The following OR6N1 variants were observed in gnomAD, a reference collection of about 807,000 sequenced individuals.
The protein encoded by OR6N1 is olfactory receptor 6N1.
For missense variants in OR6N1, 394 were observed against 371.7 expected (o/e 1.06, Z -0.49); for synonymous variants, 170 against 150.7 (o/e 1.13, Z -0.94).
rs1447009284 is a variant in OR6N1, at chr1:158,765,813, G to A, written c.870C>T (p.Tyr290=). 9 of 1,614,072 alleles carry A rather than the reference G, an allele frequency of 5.6e-6. No homozygotes were observed. The highest frequency in any genetic ancestry group is 7.6e-6 in the Non-Finnish European group (9 of 1,180,030). ...VLTPFLNPFI[Y]SLRNKEIKEA... ...CCTTGATCTCCTTGTTGCGCAAGCTGTAGATGAAGGGGTTGAGGAAGGGTG... is the reference window on the plus strand; with the variant it reads ...CCTTGATCTCCTTGTTGCGCAAGCTATAGATGAAGGGGTTGAGGAAGGGTG... Residue 290 remains tyrosine, a synonymous_variant, in exon 2 of 2, where the codon TAC becomes TAT. Transcript: ENST00000641846.
chr1:158,797,282 C>A, the OR6N1 span, among the ~76,000 whole-genome samples: 1 of 152,204 alleles, frequency 6.6e-6, no homozygotes, highest in South Asian at 2.1e-4. Context: ...GTTGAGAAAG[C>A]TGGCTGTCCA....
At chr1:158,777,474 A>G in the OR6N1 span, 16 of 1,614,112 alleles carry the variant, frequency 9.9e-6, no homozygotes, top group African/African-American at 1.9e-4. Context: ...GTGTGTGCAG[A>G]GCTGCATCCA....
At chr1:158,818,044 A>C in the OR6N1 span, among the ~76,000 whole-genome samples, 3 of 152,194 alleles carry the variant, frequency 2.0e-5, no homozygotes, top group Non-Finnish European at 4.4e-5. Flanking sequence ...TATTATCTTT[A>C]ATTGGGTCTT....
At chr1:158,789,086 G>A in the OR6N1 span, among the ~76,000 whole-genome samples, 2 of 152,264 alleles carry the variant, frequency 1.3e-5, no homozygotes, top group East Asian at 1.9e-4. Flanking sequence ...ACATGTGAGT[G>A]ATAATGTGAT....
chr1:158,777,468 G>A, the OR6N1 span: 10 of 1,614,106 alleles, frequency 6.2e-6, no homozygotes, highest in South Asian at 1.1e-5. Flanking sequence ...ACATAGGTGT[G>A]TGCAGAGCTG....
Position 158,766,022 on chromosome 1 carries a change from T to C in OR6N1, c.661A>G (p.Ile221Val). Reference sequence around the variant, plus strand: ...GGAATTCTGAGCACTGTGCAGATGATCTGCACATAGGAGCAGAGGATCAGC... The same window carrying C: ...GGAATTCTGAGCACTGTGCAGATGACCTGCACATAGGAGCAGAGGATCAGC... The part of the protein sequence containing the change: ...FLLILCSYVQ[I>V]ICTVLRIPSA... The change falls in exon 2 of 2, where the codon ATC (isoleucine) becomes GTC (valine). Residue 221 changes from isoleucine (I) to valine (V), a missense_variant. Ile to Val is a conservative substitution (Grantham distance 29). Transcript: ENST00000641846. 1 of 1,614,186 alleles carries C rather than the reference T, an allele frequency of 6.2e-7. No individual in the cohort carries two copies. Among genetic ancestry groups the C allele is most frequent in the Non-Finnish European group, 8.5e-7 (1 of 1,180,034 alleles).
the OR6N1 span, among the ~76,000 whole-genome samples, chr1:158,815,252 C>G: frequency 1.3e-5 from 2 of 152,062 alleles, no homozygotes; most frequent in African/African-American, 4.8e-5. Flanking sequence ...ATATGCCAGG[C>G]AACATGAGGT....
chr1:158,794,078 C>A, the OR6N1 span, among the ~76,000 whole-genome samples: 1 of 152,178 alleles, frequency 6.6e-6, no homozygotes, highest in Admixed American at 6.5e-5. Context: ...TCATGCAAGC[C>A]TGAACCTGGA....
the OR6N1 span, among the ~76,000 whole-genome samples, chr1:158,781,360 G>A: frequency 1.3e-5 from 2 of 152,212 alleles, no homozygotes; most frequent in Non-Finnish European, 2.9e-5. Flanking sequence ...CCCAGAGACA[G>A]GTGAGAATCA....
At chr1:158,787,124 G>T in the OR6N1 span, among the ~76,000 whole-genome samples, 17,678 of 151,958 alleles carry the variant, frequency 0.12, 1,217 homozygotes, top group African/African-American at 0.18. Flanking sequence ...GGCTTGGTGC[G>T]ATTCTCCATA....
At chr1:158,807,863 C>A in the OR6N1 span, among the ~76,000 whole-genome samples, 4 of 152,144 alleles carry the variant, frequency 2.6e-5, no homozygotes, top group Non-Finnish European at 5.9e-5. Flanking sequence ...TGTTGCATTT[C>A]TTTCCCATTA....
upstream of OR6N1, among the ~76,000 whole-genome samples, chr1:158,773,790 C>T (rs1313714889): frequency 6.6e-6 from 1 of 151,992 alleles, no homozygotes; most frequent in African/African-American, 2.4e-5. Context: ...AAATTCAAGG[C>T]TACCAAAATA....
rs1657438825 is a variant in OR6N1, at chr1:158,772,160, G to A, written c.-158C>T. The A allele has an allele frequency of 6.6e-6, 1 of 152,150 alleles. No individual in the cohort carries two copies. The highest frequency in any genetic ancestry group is 2.4e-5 in the African/African-American group (1 of 41,428). 9.4% of individuals were successfully genotyped at this position (152,150 alleles called of 1,614,324 possible). ...AGTATTATACCCAGCCATTCCCGGG[G>A]CCTGGAGGGGTTGAAGTTTATCACT... On this transcript the variant is annotated 5_prime_UTR_variant, in exon 1 of 2. Transcript: ENST00000641846.
At chr1:158,770,964 C>T (rs1657411460) in intron 1 of OR6N1, among the ~76,000 whole-genome samples, 1 of 152,230 alleles carries the variant, frequency 6.6e-6, no homozygotes, top group Non-Finnish European at 1.5e-5. Context: ...TGAAACAACC[C>T]TATTGCTCTG....
chr1:158,837,436 C>A, the OR6N1 span, among the ~76,000 whole-genome samples: 4 of 151,636 alleles, frequency 2.6e-5, no homozygotes, highest in Admixed American at 6.6e-5. Context: ...GGTGAACTGG[C>A]CTTTTTAACA....
the OR6N1 span, among the ~76,000 whole-genome samples, chr1:158,830,980 A>G: frequency 7.9e-5 from 12 of 152,164 alleles, no homozygotes; most frequent in Middle Eastern, 3.2e-3. Context: ...AGCAATAGAC[A>G]TCTCTACCAA....
the OR6N1 span, among the ~76,000 whole-genome samples, chr1:158,823,366 TATTACTGATTCAATTTC>T: frequency 6.6e-6 from 1 of 152,178 alleles, no homozygotes; most frequent in African/African-American, 2.4e-5. Flanking sequence ...GTAGGCTTTT[TATTACTGATTCAATTTC>T]AGAACTCATT....
At chr1:158,796,315 ATTC>A in the OR6N1 span, 1 of 152,204 alleles carries the variant, frequency 6.6e-6, no homozygotes, top group South Asian at 2.1e-4. Context: ...TAAGCTTTCT[ATTC>A]TTTGCTCATG....
chr1:158,828,622 C>A, the OR6N1 span, among the ~76,000 whole-genome samples: 1 of 152,226 alleles, frequency 6.6e-6, no homozygotes, highest in South Asian at 2.1e-4. Context: ...CATTGAGTGT[C>A]TGTGGCTTTT....
Sources: gnomAD v4.1 joint callset for allele counts (sites outside exome capture counted in the v4.1 genomes callset) on GRCh38, gnomAD v4.1.1 for gene constraint, MANE v1.5 for transcripts, NCBI Gene and HGNC (gene_info 2026-07-23, HGNC 2026-07-21) for gene names.